Variants in TACR3 observed in about 807,000 individuals in gnomAD.
TACR3 encodes tachykinin receptor 3.
Under a neutral mutation model 35.0 loss-of-function variants are expected in TACR3, and 34 were observed. That is an observed-to-expected ratio of 0.97 (90% CI 0.74 to 1.30). The LOEUF is 1.30. Among genes scored for constraint, TACR3 ranks in the 50% most tolerant of loss-of-function variants. The pLI, the probability that TACR3 is intolerant of heterozygous loss-of-function variation, is 0.00. For missense variants in TACR3, 558 were observed against 591.7 expected (o/e 0.94, Z 0.59); for synonymous variants, 233 against 221.1 (o/e 1.05, Z -0.48).
chr4:103,596,028 A>G (rs909141749), intron 3 of TACR3, among the ~76,000 whole-genome samples: 3 of 150,980 alleles, frequency 2.0e-5, no homozygotes, highest in Non-Finnish European at 3.0e-5. Context: ...GTGATAGTTT[A>G]CTGAGAATGA....
chr4:103,645,755 G>T (rs1183822823), intron 3 of TACR3, among the ~76,000 whole-genome samples: 1 of 151,950 alleles, frequency 6.6e-6, no homozygotes, highest in African/African-American at 2.4e-5. Flanking sequence ...AATGCCTCTT[G>T]TGTAAAAGAT....
intron 3 of TACR3, among the ~76,000 whole-genome samples, chr4:103,632,199 T>C (rs560164562): frequency 4.6e-5 from 7 of 152,220 alleles, no homozygotes; most frequent in Admixed American, 3.9e-4. Flanking sequence ...ACAATAATGT[T>C]TGTGTGAATT....
chr4:103,682,189 T>C (rs233977), intron 1 of TACR3, among the ~76,000 whole-genome samples: 6,497 of 152,184 alleles, frequency 0.043, 217 homozygotes, highest in Non-Finnish European at 0.064. Context: ...CTGTAGTGCA[T>C]TGTGCAGTCA....
At chr4:103,692,242 A>G (rs1346226477) in intron 1 of TACR3, among the ~76,000 whole-genome samples, 1 of 152,198 alleles carries the variant, frequency 6.6e-6, no homozygotes, top group Admixed American at 6.5e-5. Context: ...TTTACCATGT[A>G]AACACTAATC....
At position 103,589,471 on chromosome 4, in the gene TACR3, T is replaced by C. The variant is rs1723842424; in HGVS notation, c.*211A>G. On this transcript the variant is annotated 3_prime_UTR_variant, in exon 5 of 5. Coordinates refer to ENST00000304883, the MANE Select transcript of TACR3 (RefSeq NM_001059.3). The stretch of plus-strand genomic sequence containing the variant: ...TAATTTAGAGTTTTCAAAGAATAAA[T>C]TTAAAGCCCATTTTATTTTGGGTGG... 2 of 559,062 alleles carry C rather than the reference T, an allele frequency of 3.6e-6. No homozygotes were observed. The highest frequency in any genetic ancestry group is 3.0e-5 in the East Asian group (1 of 33,738). The allele number at this position is 559,062 out of a possible 1,614,324, so 34.6% of individuals were successfully genotyped here.
At chr4:103,681,856 G>C (rs546170518) in intron 1 of TACR3, among the ~76,000 whole-genome samples, 174 of 151,852 alleles carry the variant, frequency 1.1e-3, no homozygotes, top group Non-Finnish European at 2.0e-3. Context: ...CCATATTCTA[G>C]AATAGAAAAC....
At chr4:103,620,922 T>G (rs1028005877) in intron 3 of TACR3, among the ~76,000 whole-genome samples, 1 of 152,148 alleles carries the variant, frequency 6.6e-6, no homozygotes, top group Non-Finnish European at 1.5e-5. Context: ...AGGAAACAGA[T>G]TCATTCATTA....
At chr4:103,630,951 CTG>C (rs1460439558) in intron 3 of TACR3, among the ~76,000 whole-genome samples, 3 of 152,134 alleles carry the variant, frequency 2.0e-5, no homozygotes, top group Non-Finnish European at 4.4e-5. Flanking sequence ...CAATGATAGA[CTG>C]GATTAAGAAA....
chr4:103,686,696 A>T (rs1215293102), intron 1 of TACR3, among the ~76,000 whole-genome samples: 1 of 152,178 alleles, frequency 6.6e-6, no homozygotes. Context: ...TATTTTTGAG[A>T]GGTCCTAGAA....
In TACR3 at chr4:103,589,687, A is replaced by G. The variant is rs564772018; in HGVS notation, c.1393T>C (p.Ser465Pro). The change falls in exon 5 of 5, where the codon TCT becomes CCT. Residue 465 changes from serine (S) to proline (P), a missense_variant. By Grantham distance (74) the Ser-to-Pro change is moderately conservative. Transcript: ENST00000304883. ...TTTTACCTCAGGAAATGGAATTAAG[A>G]ATATTCATCCACAGAGGTATAGGGT... ...SSPYTSVDEY[S>P] 7.4e-6 allele frequency: 12 copies of G among 1,613,866 alleles called. No individual in the cohort carries two copies. In the Admixed American group the frequency reaches 1.0e-4, roughly 13 times the overall value.
chr4:103,663,918 TA>T (rs990866767), intron 1 of TACR3, among the ~76,000 whole-genome samples: 1 of 152,180 alleles, frequency 6.6e-6, no homozygotes, highest in Admixed American at 6.5e-5. Context: ...TTTATTGCTT[TA>T]AAAAATATTT....
Position 103,648,428 on chromosome 4 carries a change from C to T in TACR3, c.888+7766G>A, listed in dbSNP as rs190889648. ...TACCCAATAACACTTCCCACTTCAC[C>T]CCTACTTTCCCACTACCCTTCCAAC... On this transcript the variant is annotated intron_variant, in intron 3 of 4. Transcript: ENST00000304883. 4.1e-5 allele frequency among the ~76,000 whole-genome samples: 6 copies of T among 147,432 alleles called. No individual in the cohort carries two copies. The East Asian group carries it at 1.2e-3, about 30-fold the overall frequency.
intron 1 of TACR3, among the ~76,000 whole-genome samples, chr4:103,702,031 A>C (rs1185419922): frequency 1.3e-5 from 2 of 152,216 alleles, no homozygotes; most frequent in African/African-American, 4.8e-5. Context: ...AATGGCAACA[A>C]AAGCCAAAAT....
chr4:103,694,204 A>G (rs1722472271), intron 1 of TACR3, among the ~76,000 whole-genome samples: 1 of 151,034 alleles, frequency 6.6e-6, no homozygotes, highest in Non-Finnish European at 1.5e-5. Flanking sequence ...TTCCCACCAT[A>G]CACTTCCTTA....
In TACR3 at chr4:103,611,046, C is replaced by T. The variant is rs561722962; in HGVS notation, c.889-19363G>A. Among the ~76,000 whole-genome samples, 7 of 152,170 alleles carry T rather than the reference C, an allele frequency of 4.6e-5. No homozygotes were observed. In the South Asian group the frequency reaches 8.3e-4, roughly 18 times the overall value. On this transcript the variant is annotated intron_variant, in intron 3 of 4. Transcript: ENST00000304883. ...TTTTGTTTTTAGTATATTTTAAGGT[C>T]GGGTAGTGTAATGCCTCCAGCTTTG...
chr4:103,634,739 T>C (rs1725141278), intron 3 of TACR3, among the ~76,000 whole-genome samples: 2 of 152,100 alleles, frequency 1.3e-5, no homozygotes, highest in Non-Finnish European at 2.9e-5. Context: ...GCAATTAATC[T>C]TAAAACAGAA....
chr4:103,711,891 A>G (rs1283425185), intron 1 of TACR3, among the ~76,000 whole-genome samples: 1 of 152,208 alleles, frequency 6.6e-6, no homozygotes, highest in African/African-American at 2.4e-5. Context: ...ACTCCCATTC[A>G]CAATTGCTTC....
chr4:103,590,124 C>T (rs1320890016), intron 4 of TACR3, 130 bp from the exon 5 acceptor site: 8 of 1,080,966 alleles, frequency 7.4e-6, no homozygotes, highest in Admixed American at 6.1e-5. Context: ...TAGCCAGACT[C>T]TTAGAATTTA....
At chr4:103,627,450 G>A (rs2110308392) in intron 3 of TACR3, among the ~76,000 whole-genome samples, 1 of 151,580 alleles carries the variant, frequency 6.6e-6, no homozygotes, top group Middle Eastern at 3.4e-3. Context: ...CTTGAACCTG[G>A]GCGGCAGAGG....
Sources: gnomAD v4.1 joint callset for allele counts (sites outside exome capture counted in the v4.1 genomes callset) on GRCh38, gnomAD v4.1.1 for gene constraint, MANE v1.5 for transcripts, NCBI Gene and HGNC (gene_info 2026-07-23, HGNC 2026-07-21) for gene names.